DIP2A: variants seen among roughly 807,000 people sequenced by gnomAD.
The protein encoded by DIP2A is DIP2 acetate--CoA ligase A.
DIP2A carries 85 observed loss-of-function variants against 177.4 expected under a neutral mutation model. The ratio of observed to expected loss-of-function variants is 0.48; its 90% CI spans 0.40 to 0.57. The LOEUF (loss-of-function observed/expected upper bound fraction) is 0.57. Ranked by LOEUF, DIP2A falls within the 20% of genes least tolerant of loss-of-function variation. The probability of loss-of-function intolerance (pLI) is 0.00; values close to 1 mark genes in which losing one functional copy is unlikely to be tolerated. For missense variants in DIP2A, 1,791 were observed against 2,100.2 expected, an observed-to-expected ratio of 0.85 and a Z score of 2.88; for synonymous variants, 886 against 881.8, an observed-to-expected ratio of 1.00 and a Z score of -0.08.
In DIP2A at chr21:46,546,083, C is replaced by T. The variant is rs551671144; in HGVS notation, c.2394+122C>T. 3.4e-4 allele frequency: 525 copies of T among 1,541,642 alleles called. 2 individuals are homozygous for T. The Admixed American group carries it at 7.3e-3, about 21-fold the overall frequency. On this transcript the variant is annotated intron_variant, in intron 20 of 37. Coordinates refer to ENST00000417564, the MANE Select transcript of DIP2A (RefSeq NM_015151.4). The stretch of plus-strand genomic sequence containing the variant: ...TCCTGACCTCCCATGTGGCCTTGGT[C>T]GGTGGCGCTGACCTCCCTGCCCATC...
intron 16 of DIP2A, chr21:46,539,462 G>A (rs909510011): frequency 3.2e-6 from 1 of 311,624 alleles, no homozygotes; most frequent in South Asian, 2.7e-5. Context: ...CACTGCTCAG[G>A]TCTCTGCGTC....
At chr21:46,541,654 G>A (rs561094857) in intron 17 of DIP2A, 102 bp from the exon 18 acceptor site, 146 of 1,345,252 alleles carry the variant, frequency 1.1e-4, no homozygotes, top group Non-Finnish European at 1.4e-4. Context: ...GTAACATGGA[G>A]CAGTGGCTTT....
At chr21:46,479,511 CTT>C (rs962285531) in intron 1 of DIP2A, among the ~76,000 whole-genome samples, 8 of 152,164 alleles carry the variant, frequency 5.3e-5, no homozygotes, top group Non-Finnish European at 1.2e-4. Flanking sequence ...TATCTATACT[CTT>C]CAGCGTTAAG....
chr21:46,550,767 A>T (rs1474635527), intron 23 of DIP2A, 23 bp downstream of exon 23: 1 of 1,611,924 alleles, frequency 6.2e-7, no homozygotes, highest in African/African-American at 1.3e-5. Flanking sequence ...TAACAACAGG[A>T]TGCTCTCTAG....
At position 46,565,772 on chromosome 21, in the gene DIP2A, G is replaced by T. The variant is rs112595846; in HGVS notation, c.4224G>T (p.Ala1408=). ...ACTACACCGTTTACGGGGAGGAGGCGCTTCATGCCGACCACTTCAGTGCCC... is the reference window on the plus strand; with the variant it reads ...ACTACACCGTTTACGGGGAGGAGGCTCTTCATGCCGACCACTTCAGTGCCC... ...TGYYTVYGEE[A]LHADHFSARL... Residue 1408 remains alanine, a synonymous_variant, in exon 36 of 38, where the codon GCG becomes GCT. Transcript: ENST00000417564. 2 of 1,613,824 alleles carry T rather than the reference G, an allele frequency of 1.2e-6. No homozygotes were observed. Among genetic ancestry groups the T allele is most frequent in the African/African-American group, 2.7e-5 (2 of 74,884 alleles).
In DIP2A at chr21:46,554,253, C is replaced by CG; in HGVS notation, c.3115_3116insG (p.Leu1039ArgfsTer93). 6.2e-7 allele frequency: 1 copy of CG among 1,613,970 alleles called. No individual in the cohort carries two copies. The highest frequency in any genetic ancestry group is 8.5e-7 in the Non-Finnish European group (1 of 1,179,866). On this transcript the variant is annotated frameshift_variant, in exon 26 of 38. Coordinates refer to ENST00000417564, the MANE Select transcript of DIP2A (RefSeq NM_015151.4). LOFTEE classifies it high-confidence loss of function. ...CGCGGCTCTGATGGAGAAGGGAAGACTGAGTGTTGGGGACCATGTGGCTCT... is the reference window on the plus strand; with the variant it reads ...CGCGGCTCTGATGGAGAAGGGAAGACGTGAGTGTTGGGGACCATGTGGCTCT...
intron 16 of DIP2A, chr21:46,538,838 G>T: frequency 1.9e-6 from 1 of 527,358 alleles, no homozygotes; most frequent in Non-Finnish European, 3.3e-6. Flanking sequence ...AAAGGTACAT[G>T]CCTTAATGAG....
intron 8 of DIP2A, among the ~76,000 whole-genome samples, chr21:46,514,619 T>C (rs2058473003): frequency 7.8e-6 from 1 of 128,068 alleles, no homozygotes; most frequent in Non-Finnish European, 1.6e-5. Context: ...CTTTTATTCT[T>C]TTTTTTTTTT....
chr21:46,537,148 C>G lies in DIP2A; in HGVS notation c.1643-76C>G. 1 of 1,484,224 alleles carries G rather than the reference C, an allele frequency of 6.7e-7. No homozygotes were observed. Among genetic ancestry groups the G allele is most frequent in the Non-Finnish European group, 9.4e-7 (1 of 1,061,796 alleles). 91.9% of individuals were successfully genotyped at this position (1,484,224 alleles called of 1,614,324 possible). A position where few individuals can be genotyped will look rare whatever the true frequency, so the allele number is the denominator to read the frequency against. On this transcript the variant is annotated intron_variant, in intron 13 of 37. Coordinates refer to ENST00000417564, the MANE Select transcript of DIP2A (RefSeq NM_015151.4). This position sits in a 1 kb window ranked among gnomAD's most constrained non-coding sequence, Gnocchi z 4.1. ...TTACATGTTGATGACGTACTCACCT[C>G]AGAATTTCTCTAGAAAATGCATAGG...
intron 2 of DIP2A, among the ~76,000 whole-genome samples, chr21:46,488,978 A>G (rs1214934065): frequency 6.6e-6 from 1 of 152,220 alleles, no homozygotes; most frequent in Non-Finnish European, 1.5e-5. Flanking sequence ...AAGACTCTGT[A>G]TTGTCCGTTG....
intron 8 of DIP2A, among the ~76,000 whole-genome samples, chr21:46,513,625 G>A (rs2148643161): frequency 6.6e-6 from 1 of 152,154 alleles, no homozygotes; most frequent in African/African-American, 2.4e-5. Flanking sequence ...ATATTGATTG[G>A]CATTGCATTG....
intron 9 of DIP2A, among the ~76,000 whole-genome samples, chr21:46,530,265 C>T (rs2059300633): frequency 6.6e-6 from 1 of 152,172 alleles, no homozygotes; most frequent in Non-Finnish European, 1.5e-5. Context: ...AAGGAAACTG[C>T]AGGTTAACAA....
rs1256884127 is a variant in DIP2A at position 46,459,004 on chromosome 21, C to A, written c.-128C>A. ...TGTCCTGGCCGCGCCCCTGTCCCGC[C>A]GCCTCCCGCTCCTCGCCTGGCGGAT... is the stretch of plus-strand genomic sequence containing the variant. On this transcript the variant is annotated 5_prime_UTR_variant, in exon 1 of 38. Coordinates refer to ENST00000417564, the MANE Select transcript of DIP2A (RefSeq NM_015151.4). 2 of 763,644 alleles carry A rather than the reference C, an allele frequency of 2.6e-6. No individual in the cohort carries two copies. Among genetic ancestry groups the A allele is most frequent in the East Asian group, 3.5e-5 (1 of 28,830 alleles). The allele number at this position is 763,644 out of a possible 1,614,324, so 47.3% of individuals were successfully genotyped here. A position where few individuals can be genotyped will look rare whatever the true frequency, so the allele number is the denominator to read the frequency against.
At chr21:46,578,611 A>G in the DIP2A span, among the ~76,000 whole-genome samples, 1 of 151,704 alleles carries the variant, frequency 6.6e-6, no homozygotes, top group Admixed American at 6.6e-5. Flanking sequence ...AGTGGCTGTT[A>G]TTATTTTGAG....
rs1465926749 is a variant in DIP2A at position 46,533,585 on chromosome 21, C to G, written c.1367C>G (p.Thr456Ser). 1 of 1,614,016 alleles carries G rather than the reference C, an allele frequency of 6.2e-7. No homozygotes were observed. Among genetic ancestry groups the G allele is most frequent in the Non-Finnish European group, 8.5e-7 (1 of 1,179,894 alleles). The change falls in exon 11 of 38, where the codon ACC becomes AGC. Residue 456 changes from threonine to serine, a missense_variant. Transcript: ENST00000417564. ...AGCTGTGGAGTCTTCTTGGCCCTGA[C>G]CACAGACGCTTGTCAGAAAGGCCTC... is the stretch of plus-strand genomic sequence containing the variant. ...LGSCGVFLAL[T>S]TDACQKGLPK...
chr21:46,576,958 C>T, the DIP2A span, among the ~76,000 whole-genome samples: 1 of 152,048 alleles, frequency 6.6e-6, no homozygotes, highest in East Asian at 1.9e-4. Context: ...TGTCCTTTGC[C>T]CACTTTTTAA....
chr21:46,581,892 A>G, the DIP2A span, among the ~76,000 whole-genome samples: 4 of 152,136 alleles, frequency 2.6e-5, no homozygotes, highest in Admixed American at 2.0e-4. Flanking sequence ...CTGACAACCC[A>G]TGTTGGGGGA....
At chr21:46,491,468 A>G (rs143615177) in intron 3 of DIP2A, among the ~76,000 whole-genome samples, 2 of 152,364 alleles carry the variant, frequency 1.3e-5, no homozygotes, top group East Asian at 3.9e-4. Context: ...TCGAACAGAT[A>G]ATGTCTTACC....
At chr21:46,542,801 A>G (rs557389956) in intron 18 of DIP2A, among the ~76,000 whole-genome samples, 22 of 152,308 alleles carry the variant, frequency 1.4e-4, no homozygotes, top group South Asian at 4.1e-4. Flanking sequence ...CCCCCTTCCA[A>G]TGCGGCCCTG....
Sources: gnomAD v4.1 joint callset for allele counts (sites outside exome capture counted in the v4.1 genomes callset) on GRCh38, gnomAD v4.1.1 for gene constraint, Gnocchi (gnomAD v3.1) non-coding constraint, MANE v1.5 for transcripts, NCBI Gene and HGNC (gene_info 2026-07-23, HGNC 2026-07-21) for gene names.